GDA: variants seen among roughly 807,000 people sequenced by gnomAD.
The protein encoded by GDA is cytoplasmic PSD-95 interactor.
In GDA, 18 loss-of-function variants were observed where a neutral mutation model predicts 59.6. The observed-to-expected ratio is 0.30, with a 90% CI of 0.21 to 0.45. The LOEUF is 0.45. Among genes scored for constraint, GDA ranks in the 20% least tolerant of loss-of-function variants. The pLI is 1.00. For missense variants in GDA, 427 were observed against 552.3 expected (o/e 0.77, Z 2.27); for synonymous variants, 201 against 201.1 (o/e 1.00, Z 0.00).
At chr9:72,134,789 T>C (rs1826158144) in intron 1 of GDA, among the ~76,000 whole-genome samples, 1 of 152,156 alleles carries the variant, frequency 6.6e-6, no homozygotes, top group Non-Finnish European at 1.5e-5. Context: ...AAAGAGTACA[T>C]AGAATTGAAT....
rs1443659641 is a variant in GDA, at chr9:72,125,766, T to C, written c.-100+10933T>C. 2.6e-5 allele frequency among the ~76,000 whole-genome samples: 4 copies of C among 152,224 alleles called. No individual in the cohort carries two copies. In the East Asian group the frequency reaches 7.7e-4, roughly 29 times the overall value. ...GAATGAGTCTTTTCCCCATGTTTTC[T>C]AGACCCTGGAAAGTTCTAACTTTGT... is the stretch of plus-strand genomic sequence containing the variant. On this transcript the variant is annotated intron_variant, in intron 1 of 13. Transcript: ENST00000545168.
chr9:72,250,769 C>T lies in GDA; in HGVS notation c.*2427C>T. 6.2e-7 allele frequency: 1 copy of T among 1,610,026 alleles called. No homozygotes were observed. The highest frequency in any genetic ancestry group is 1.1e-5 in the South Asian group (1 of 90,998). On this transcript the variant is annotated 3_prime_UTR_variant, in exon 14 of 14. Transcript: ENST00000358399. Reference sequence around the variant, plus strand: ...TGACAGGAAAGAAACAATTCACTTACCAGCCTCCTCACCCCATCCTCCACC... The same window carrying T: ...TGACAGGAAAGAAACAATTCACTTATCAGCCTCCTCACCCCATCCTCCACC...
At chr9:72,132,078 G>A (rs981241318) in intron 1 of GDA, among the ~76,000 whole-genome samples, 2 of 152,114 alleles carry the variant, frequency 1.3e-5, no homozygotes, top group Non-Finnish European at 2.9e-5. Context: ...AACAGTGCAG[G>A]AAATACCTGC....
Position 72,202,662 on chromosome 9 carries a change from T to G in GDA, c.304T>G (p.Trp102Gly). The change falls in exon 3 of 14, where the codon TGG (tryptophan) becomes GGG (glycine). Residue 102 changes from tryptophan (W) to glycine (G), a missense_variant. Physicochemically the swap from Trp to Gly is radical, Grantham distance 184. Transcript: ENST00000358399. ...TAGCATAGACCTGCCACTCTTGGAG[T>G]GGCTGACCAAGTACACATTTCCTGC... ...GSSIDLPLLE[W>G]LTKYTFPAEH... 6.2e-7 allele frequency: 1 copy of G among 1,613,466 alleles called. No homozygotes were observed. The highest frequency in any genetic ancestry group is 8.5e-7 in the Non-Finnish European group (1 of 1,179,424).
chr9:72,147,412 T>C (rs1826685285), upstream of GDA, among the ~76,000 whole-genome samples: 1 of 152,236 alleles, frequency 6.6e-6, no homozygotes, highest in Non-Finnish European at 1.5e-5. Flanking sequence ...TTCACCATGT[T>C]GGCCAGGATA....
intron 1 of GDA, among the ~76,000 whole-genome samples, chr9:72,152,194 A>G (rs2130736425): frequency 6.6e-6 from 1 of 152,314 alleles, no homozygotes; most frequent in African/African-American, 2.4e-5. Flanking sequence ...TTATTTCTCC[A>G]TTGCAAGTTT....
chr9:72,153,371 C>T (rs1827469695), intron 1 of GDA, among the ~76,000 whole-genome samples: 1 of 152,062 alleles, frequency 6.6e-6, no homozygotes, highest in Non-Finnish European at 1.5e-5. Context: ...AATACTTTTA[C>T]ACTGTTGGTG....
At chr9:72,247,542 G>T in intron 13 of GDA, 109 bp downstream of exon 13, 1 of 658,200 alleles carries the variant, frequency 1.5e-6, no homozygotes. Flanking sequence ...CTCTGTGGAT[G>T]ATAATTTGCT....
Position 72,225,046 on chromosome 9 carries a change from C to T in GDA, c.715-631C>T, listed in dbSNP as rs563007750. Among the ~76,000 whole-genome samples the T allele has an allele frequency of 3.9e-5, 6 of 152,276 alleles. No homozygotes were observed. The South Asian group carries it at 1.2e-3, about 32-fold the overall frequency. ...CCTGTAATCCCAGCACTTTGAGAGG[C>T]TGAGCCCGGCAGATTACTTGAGGTC... On this transcript the variant is annotated intron_variant, in intron 7 of 13. Coordinates refer to ENST00000358399, the MANE Select transcript of GDA (RefSeq NM_004293.5).
At chr9:72,135,241 T>TGC (rs1239673872) in intron 1 of GDA, among the ~76,000 whole-genome samples, 11 of 151,956 alleles carry the variant, frequency 7.2e-5, no homozygotes, top group Admixed American at 5.2e-4. Flanking sequence ...TGTGTGTGTG[T>TGC]GTGCGTTTTC....
intron 1 of GDA, among the ~76,000 whole-genome samples, chr9:72,119,892 G>A (rs10781074): frequency 0.28 from 41,827 of 152,086 alleles, 6,450 homozygotes; most frequent in East Asian, 0.51. Flanking sequence ...AAAGATATAC[G>A]TTTTGAAATA....
chr9:72,222,198 T>C lies in GDA; in HGVS notation c.607-922T>C, dbSNP rs543540736. Among the ~76,000 whole-genome samples the C allele has an allele frequency of 2.6e-5, 4 of 152,344 alleles. No homozygotes were observed. In the South Asian group the frequency reaches 8.3e-4, roughly 32 times the overall value. The stretch of plus-strand genomic sequence containing the variant: ...CCAACAGTCTATAAGCATTTCTTTT[T>C]CTCCACAACCTCACCAGTATCTGCT... On this transcript the variant is annotated intron_variant, in intron 6 of 13. Transcript: ENST00000358399.
At chr9:72,232,289 A>T (rs1249070165) in intron 10 of GDA, among the ~76,000 whole-genome samples, 1 of 152,186 alleles carries the variant, frequency 6.6e-6, no homozygotes, top group Admixed American at 6.5e-5. Flanking sequence ...CTCAAGTCTC[A>T]GTTTGTTATA....
At chr9:72,217,891 T>C (rs1183345945) in intron 5 of GDA, among the ~76,000 whole-genome samples, 1 of 151,970 alleles carries the variant, frequency 6.6e-6, no homozygotes, top group African/African-American at 2.4e-5. Flanking sequence ...ATTGTATTGG[T>C]TTATTTATTT....
chr9:72,188,364 C>A (rs371211773), intron 1 of GDA, among the ~76,000 whole-genome samples: 191 of 152,286 alleles, frequency 1.3e-3, no homozygotes, highest in African/African-American at 4.4e-3. Context: ...GGCTCCCTGC[C>A]CAGACCGACC....
chr9:72,127,146 G>T (rs1825874829), intron 1 of GDA, among the ~76,000 whole-genome samples: 1 of 151,736 alleles, frequency 6.6e-6, no homozygotes, highest in African/African-American at 2.4e-5. Flanking sequence ...TGTTCACACA[G>T]CATGACACTT....
At chr9:72,258,211 G>A (rs546488945), downstream of GDA, among the ~76,000 whole-genome samples, 4 of 152,032 alleles carry the variant, frequency 2.6e-5, no homozygotes, top group South Asian at 6.2e-4. Flanking sequence ...TGCTTGGGAG[G>A]CTGAGGTGTG....
intron 1 of GDA, among the ~76,000 whole-genome samples, chr9:72,180,424 G>C (rs1261073987): frequency 6.6e-6 from 1 of 152,096 alleles, no homozygotes; most frequent in East Asian, 1.9e-4. Flanking sequence ...GTGTGTGCCT[G>C]CATTTTTAAA....
chr9:72,202,269 C>G (rs1834091238), intron 2 of GDA, among the ~76,000 whole-genome samples: 1 of 152,174 alleles, frequency 6.6e-6, no homozygotes, highest in South Asian at 2.1e-4. Context: ...AATCAGAGTT[C>G]CCGTCCTTTC....
Sources: gnomAD v4.1 joint callset for allele counts (sites outside exome capture counted in the v4.1 genomes callset) on GRCh38, gnomAD v4.1.1 for gene constraint, MANE v1.5 for transcripts, NCBI Gene and HGNC (gene_info 2026-07-23, HGNC 2026-07-21) for gene names.